ENKD1: variants seen among roughly 807,000 people sequenced by gnomAD.
ENKD1 encodes the protein enkurin domain-containing protein 1.
A neutral mutation model predicts 35.8 loss-of-function variants in ENKD1; 39 were observed. That is an observed-to-expected ratio of 1.09 (90% CI 0.84 to 1.42). The LOEUF (loss-of-function observed/expected upper bound fraction) is 1.42. Among genes scored for constraint, ENKD1 ranks in the 40% most tolerant of loss-of-function variants. The probability of loss-of-function intolerance (pLI) is 0.00; values close to 1 mark genes in which losing one functional copy is unlikely to be tolerated. For missense variants in ENKD1, 474 were observed against 471.3 expected, an observed-to-expected ratio of 1.01 and a Z score of -0.05; for synonymous variants, 205 against 198.6, an observed-to-expected ratio of 1.03 and a Z score of -0.27.
At position 67,663,945 on chromosome 16, in the gene ENKD1, C is replaced by A. The variant is rs140310273; in HGVS notation, c.571G>T (p.Glu191Ter). 213 of 1,605,510 alleles carry A rather than the reference C, an allele frequency of 1.3e-4. No homozygotes were observed. Among genetic ancestry groups the A allele is most frequent in the Non-Finnish European group, 1.7e-4 (200 of 1,175,948 alleles). The stretch of plus-strand genomic sequence containing the variant: ...CCCATACATCCTCTCACCTTAGCTT[C>A]GGGACCTGGTGGGGTTGGCTGGGGA... Reference protein sequence around the residue: ...SSPQPTPPGPEAKEPGLGVDF... With the variant: ...SSPQPTPPGP The change falls in exon 4 of 7, where the codon GAA (glutamate) becomes TAA (stop). Residue 191 changes from glutamate (E) to a stop codon, truncating the protein, a stop_gained. Transcript: ENST00000243878. LOFTEE classifies it high-confidence loss of function.
Position 67,663,886 on chromosome 16 carries a change from C to T in ENKD1, c.579+51G>A, listed in dbSNP as rs770279049. 5.7e-5 allele frequency: 91 copies of T among 1,603,958 alleles called. 5 individuals carry two copies. The South Asian group carries it at 9.0e-4, about 16-fold the overall frequency. Reference sequence around the variant, plus strand: ...ATGTTGTGTCCCTGAACACCCCCCCCACACCAGGAGCCCTGCCCAACCACC... The same window carrying T: ...ATGTTGTGTCCCTGAACACCCCCCCTACACCAGGAGCCCTGCCCAACCACC... On this transcript the variant is annotated intron_variant, in intron 4 of 6. Coordinates refer to ENST00000243878, the MANE Select transcript of ENKD1 (RefSeq NM_032140.3).
At position 67,666,264 on chromosome 16, in the gene ENKD1, A is replaced by C; in HGVS notation, c.87T>G (p.Ala29=). 1.2e-6 allele frequency: 2 copies of C among 1,603,612 alleles called. No homozygotes were observed. The highest frequency in any genetic ancestry group is 2.2e-5 in the South Asian group (2 of 90,206). ...GCGCGTTTCCCTCGAGGCGCCCTTG[A>C]GCTGTGGGGCGGAGCCGGGCGGAGT... ...CPDNYRRPTS[A]QGRLEGNALK... is the part of the protein sequence containing the mutation. The change falls in exon 2 of 7, where the codon GCT becomes GCG. Residue 29 remains alanine (A), a splice_region_variant and synonymous_variant. Coordinates refer to ENST00000243878, the MANE Select transcript of ENKD1 (RefSeq NM_032140.3).
At position 67,666,590 on chromosome 16, in the gene ENKD1, C is replaced by T. The variant is rs2142988430; in HGVS notation, c.-148G>A. The stretch of plus-strand genomic sequence containing the variant: ...GCCACTCCCGGGCCCCTGCCGGTCC[C>T]CGCCTGGGCCCCGGCCTCGCTCGCC... On this transcript the variant is annotated 5_prime_UTR_variant, in exon 1 of 7. Coordinates refer to ENST00000243878, the MANE Select transcript of ENKD1 (RefSeq NM_032140.3). The T allele has an allele frequency of 1.4e-6, 1 of 698,322 alleles. No individual in the cohort carries two copies. The highest frequency in any genetic ancestry group is 2.2e-6 in the Non-Finnish European group (1 of 461,882). The allele number at this position is 698,322 out of a possible 1,614,324, so 43.3% of individuals were successfully genotyped here.
At chr16:67,664,487 C>G (rs1056691771) in intron 3 of ENKD1, 2 of 355,596 alleles carry the variant, frequency 5.6e-6, no homozygotes, top group Non-Finnish European at 1.1e-5. Context: ...ACTCCCACCC[C>G]CTGGGAACCC....
In ENKD1 at chr16:67,666,475, G is replaced by A. The variant is rs1340359574; in HGVS notation, c.-33C>T. On this transcript the variant is annotated 5_prime_UTR_variant, in exon 1 of 7. Coordinates refer to ENST00000243878, the MANE Select transcript of ENKD1 (RefSeq NM_032140.3). ...GCGCCGCCCAGCAACGGTGCCCCGA[G>A]GCCTGCAGGGCTGTTTACCTCCCTC... The A allele has an allele frequency of 6.2e-6, 9 of 1,445,902 alleles. No individual in the cohort carries two copies. Among genetic ancestry groups the A allele is most frequent in the Middle Eastern group, 2.5e-4 (1 of 4,016 alleles). The allele number at this position is 1,445,902 out of a possible 1,614,324, so 89.6% of individuals were successfully genotyped here. A position where few individuals can be genotyped will look rare whatever the true frequency, so the allele number is the denominator to read the frequency against.
intron 3 of ENKD1, 81 bp downstream of exon 3, chr16:67,664,915 C>A: frequency 6.7e-7 from 1 of 1,483,768 alleles, no homozygotes; most frequent in Non-Finnish European, 9.0e-7. Context: ...GACTTCCCTC[C>A]CACCCCAGAA....
rs951594265 is a variant in ENKD1, at chr16:67,666,621, C to G, written c.-179G>C. 15 of 561,036 alleles carry G rather than the reference C, an allele frequency of 2.7e-5. No homozygotes were observed. In the East Asian group the frequency reaches 4.5e-4, roughly 17 times the overall value. The allele number at this position is 561,036 out of a possible 1,614,324, so 34.8% of individuals were successfully genotyped here. ...GGGCCCCGGCCTCGCTCGCCACCTC[C>G]GCGACCTCTGCTCCCAGCCCACTTC... is the stretch of plus-strand genomic sequence containing the variant. On this transcript the variant is annotated 5_prime_UTR_variant, in exon 1 of 7. Coordinates refer to ENST00000243878, the MANE Select transcript of ENKD1 (RefSeq NM_032140.3).
chr16:67,663,937 C>G lies in ENKD1; in HGVS notation c.579G>C (p.Lys193Asn). 1 of 1,606,870 alleles carries G rather than the reference C, an allele frequency of 6.2e-7. No individual in the cohort carries two copies. Among genetic ancestry groups the G allele is most frequent in the Non-Finnish European group, 8.5e-7 (1 of 1,176,650 alleles). The change falls in exon 4 of 7, where the codon AAG becomes AAC. Residue 193 changes from lysine (K) to asparagine (N), a missense_variant and splice_region_variant. Transcript: ENST00000243878. Reference sequence around the variant, plus strand: ...ATCTAGCCCCCATACATCCTCTCACCTTAGCTTCGGGACCTGGTGGGGTTG... The same window carrying G: ...ATCTAGCCCCCATACATCCTCTCACGTTAGCTTCGGGACCTGGTGGGGTTG... ...PQPTPPGPEA[K>N]EPGLGVDFIR...
intron 5 of ENKD1, 35 bp downstream of exon 5, chr16:67,663,622 G>A (rs2053061209): frequency 6.2e-7 from 1 of 1,604,290 alleles, no homozygotes; most frequent in African/African-American, 1.3e-5. Context: ...CTCCACAGGT[G>A]TCCTTCACCC....
Position 67,665,139 on chromosome 16 carries a change from T to C in ENKD1, c.310A>G (p.Asn104Asp), listed in dbSNP as rs2053084439. ...TGAATCTCCCTGATCCGCCTCAGGT[T>C]CTCCTTCTCATGGTCCTTAGGGTCC... is the stretch of plus-strand genomic sequence containing the variant. ...RKDPKDHEKENLRRIREIQKR... is the reference protein window; with the variant it reads ...RKDPKDHEKEDLRRIREIQKR... Residue 104 changes from asparagine (N) to aspartate (D), a missense_variant, in exon 3 of 7, where the codon AAC becomes GAC. Physicochemically the swap from Asn to Asp is conservative, Grantham distance 23 (BLOSUM62 1). Transcript: ENST00000243878. 6.2e-7 allele frequency: 1 copy of C among 1,613,708 alleles called. No individual in the cohort carries two copies. The highest frequency in any genetic ancestry group is 2.2e-5 in the East Asian group (1 of 44,858).
At chr16:67,665,521 C>G (rs1289640432) in intron 2 of ENKD1, among the ~76,000 whole-genome samples, 1 of 152,128 alleles carries the variant, frequency 6.6e-6, no homozygotes, top group African/African-American at 2.4e-5. Context: ...TCCACCATGC[C>G]AGCCTGATTT....
Position 67,663,192 on chromosome 16 carries a change from C to T in ENKD1, c.1010G>A (p.Arg337Gln), listed in dbSNP as rs748777136. ...QVEEAIKIFS[R>Q]PKVFVKMDD ...GTCCATCTTCACGAAGACTTTGGGC[C>T]GAGAAAAGATCTTGATGGCCTCCTC... is the stretch of plus-strand genomic sequence containing the variant. Residue 337 changes from arginine to glutamine, a missense_variant, in exon 7 of 7, where the codon CGG (arginine) becomes CAG (glutamine). Physicochemically the swap from Arg to Gln is conservative, Grantham distance 43 (BLOSUM62 1). Coordinates refer to ENST00000243878, the MANE Select transcript of ENKD1 (RefSeq NM_032140.3). 1.9e-5 allele frequency: 30 copies of T among 1,613,898 alleles called. No homozygotes were observed. Among genetic ancestry groups the T allele is most frequent in the African/African-American group, 1.6e-4 (12 of 74,926 alleles).
In ENKD1 at chr16:67,666,350, G is replaced by C. The variant is rs1421928875; in HGVS notation, c.85+8C>G. On this transcript the variant is annotated splice_region_variant and intron_variant, in intron 1 of 6. Coordinates refer to ENST00000243878, the MANE Select transcript of ENKD1 (RefSeq NM_032140.3). ...AGCCTCGCACCACCGCCAAGCCCCC[G>C]GACTCACCCGAGGTCGGCCGCCTGT... is the stretch of plus-strand genomic sequence containing the variant. 2 of 1,581,860 alleles carry C rather than the reference G, an allele frequency of 1.3e-6. No homozygotes were observed. Among genetic ancestry groups the C allele is most frequent in the South Asian group, 2.3e-5 (2 of 88,740 alleles).
In ENKD1 at chr16:67,663,330, G is replaced by T. The variant is rs2053055958; in HGVS notation, c.881-9C>A. 1.9e-6 allele frequency: 3 copies of T among 1,613,232 alleles called. No homozygotes were observed. Among genetic ancestry groups the T allele is most frequent in the East Asian group, 2.2e-5 (1 of 44,900 alleles). ...CAGCAGCTGGCTCTGGCCTACAGGG[G>T]GCCCGGGAACAGTGAGAACAGTGAG... On this transcript the variant is annotated splice_polypyrimidine_tract_variant and intron_variant, in intron 6 of 6. Transcript: ENST00000243878.
rs2142988573 is a variant in ENKD1, at chr16:67,666,729, A to G, written c.-287T>C. 1 of 480,060 alleles carries G rather than the reference A, an allele frequency of 2.1e-6. No homozygotes were observed. Among genetic ancestry groups the G allele is most frequent in the Non-Finnish European group, 3.6e-6 (1 of 276,466 alleles). The allele number at this position is 480,060 out of a possible 1,614,324, so 29.7% of individuals were successfully genotyped here. On this transcript the variant is annotated 5_prime_UTR_variant, in exon 1 of 7. Coordinates refer to ENST00000243878, the MANE Select transcript of ENKD1 (RefSeq NM_032140.3). ...TTTTGCCGCCAGCCGCTGCCACCCG[A>G]CGGGACTTGTTGTTGCCGGGCAACC...
At position 67,666,568 on chromosome 16, in the gene ENKD1, A is replaced by C. The variant is rs1597784035; in HGVS notation, c.-126T>G. 8.9e-6 allele frequency: 8 copies of C among 897,206 alleles called. No homozygotes were observed. Among genetic ancestry groups the C allele is most frequent in the South Asian group, 2.2e-5 (1 of 44,648 alleles). 55.6% of individuals were successfully genotyped at this position (897,206 alleles called of 1,614,324 possible). ...GCACCCTGACCCTGGCGTGCCCGCC[A>C]CTCCCGGGCCCCTGCCGGTCCCCGC... On this transcript the variant is annotated 5_prime_UTR_variant, in exon 1 of 7. Coordinates refer to ENST00000243878, the MANE Select transcript of ENKD1 (RefSeq NM_032140.3).
intron 1 of ENKD1, 41 bp downstream of exon 1, chr16:67,666,317 G>T (rs747784680): frequency 1.3e-6 from 2 of 1,592,226 alleles, no homozygotes; most frequent in African/African-American, 1.3e-5. Context: ...AGCCAGGGCC[G>T]ACCCCTGAGC....
intron 4 of ENKD1, 50 bp downstream of exon 4, chr16:67,663,886 CA>C (rs768272937): frequency 6.9e-6 from 11 of 1,603,824 alleles, no homozygotes; most frequent in Admixed American, 3.4e-5. Flanking sequence ...ACACCCCCCC[CA>C]CACCAGGAGC....
chr16:67,665,455 A>G (rs1165784451), intron 2 of ENKD1, among the ~76,000 whole-genome samples: 4 of 152,108 alleles, frequency 2.6e-5, no homozygotes, highest in East Asian at 3.8e-4. Flanking sequence ...AGCTCACTGT[A>G]GCCTCAACCT....
Sources: allele counts gnomAD v4.1 joint callset (sites outside exome capture counted in the v4.1 genomes callset), GRCh38; gene constraint gnomAD v4.1.1; transcripts MANE v1.5; gene names NCBI Gene and HGNC (gene_info 2026-07-23, HGNC 2026-07-21).